STAB2: variants seen among roughly 807,000 people sequenced by gnomAD.
STAB2 encodes stabilin-2.
Under a neutral mutation model 338.1 loss-of-function variants are expected in STAB2, and 288 were observed. The observed-to-expected ratio is 0.85, with a 90% CI of 0.77 to 0.94. The LOEUF (loss-of-function observed/expected upper bound fraction) is 0.94. Ranked by LOEUF, STAB2 falls within the 40% of genes least tolerant of loss-of-function variation. The probability of loss-of-function intolerance (pLI) is 0.00; values close to 1 mark genes in which losing one functional copy is unlikely to be tolerated. For missense variants in STAB2, 3,141 were observed against 3,210.1 expected (o/e 0.98, Z 0.52); for synonymous variants, 1,202 against 1,193.3 (o/e 1.01, Z -0.15).
chr12:103,688,157 A>G lies in STAB2; in HGVS notation c.2998-11A>G. ...CATCTCTTCTTCCCTCCCTTGCATG[A>G]TATGAATAAGGAATTGTCATTTCTC... On this transcript the variant is annotated splice_polypyrimidine_tract_variant and intron_variant, in intron 27 of 68. Coordinates refer to ENST00000388887, the MANE Select transcript of STAB2 (RefSeq NM_017564.10). 6.2e-7 allele frequency: 1 copy of G among 1,612,950 alleles called. No individual in the cohort carries two copies. The highest frequency in any genetic ancestry group is 1.6e-4 in the Middle Eastern group (1 of 6,062).
At chr12:103,654,499 C>A in intron 12 of STAB2, 56 bp from the exon 13 acceptor site, 1 of 1,555,012 alleles carries the variant, frequency 6.4e-7, no homozygotes, top group Non-Finnish European at 8.7e-7. Flanking sequence ...TACTCCAGTG[C>A]TTGCTCCTTC....
At chr12:103,639,460 C>T (rs760050604) in intron 8 of STAB2, among the ~76,000 whole-genome samples, 6 of 152,108 alleles carry the variant, frequency 3.9e-5, no homozygotes, top group African/African-American at 7.2e-5. Context: ...CCCAACACTC[C>T]GGGAGGCTGA....
intron 67 of STAB2, 110 bp downstream of exon 67, chr12:103,762,512 T>C (rs772891490): frequency 2.3e-5 from 35 of 1,547,644 alleles, no homozygotes; most frequent in Non-Finnish European, 2.9e-5. Context: ...CCAGAAGCAG[T>C]GTGTCACACA....
At chr12:103,621,648 G>A (rs1957304183) in intron 4 of STAB2, among the ~76,000 whole-genome samples, 1 of 152,182 alleles carries the variant, frequency 6.6e-6, no homozygotes, top group African/African-American at 2.4e-5. Flanking sequence ...AGGAGAACCT[G>A]GGAGGCGGAG....
intron 3 of STAB2, among the ~76,000 whole-genome samples, chr12:103,617,601 G>C (rs1202389775): frequency 6.6e-6 from 1 of 152,214 alleles, no homozygotes; most frequent in African/African-American, 2.4e-5. Context: ...CAATGTCCCA[G>C]CTCCTCCCAT....
At chr12:103,668,792 C>A (rs918360172) in intron 20 of STAB2, 63 bp downstream of exon 20, 3 of 1,428,412 alleles carry the variant, frequency 2.1e-6, no homozygotes, top group East Asian at 2.5e-5. Context: ...CAGGGCCATG[C>A]TCTTGGGTCC....
intron 65 of STAB2, among the ~76,000 whole-genome samples, chr12:103,760,351 C>T (rs569048787): frequency 6.6e-6 from 1 of 152,194 alleles, no homozygotes; most frequent in Non-Finnish European, 1.5e-5. Context: ...ACCTCCCCCT[C>T]CTGGATTCAA....
chr12:103,607,585 G>A (rs1957051458), intron 3 of STAB2, among the ~76,000 whole-genome samples: 1 of 148,504 alleles, frequency 6.7e-6, no homozygotes, highest in South Asian at 2.1e-4. Context: ...CCCTTCCTGT[G>A]TCCAAGTGTT....
intron 50 of STAB2, among the ~76,000 whole-genome samples, chr12:103,732,424 C>A (rs1881706367): frequency 6.6e-6 from 1 of 152,204 alleles, no homozygotes; most frequent in Admixed American, 6.5e-5. Flanking sequence ...GGCCAAGCAT[C>A]TTTCTGAGGC....
intron 44 of STAB2, among the ~76,000 whole-genome samples, chr12:103,721,653 C>T (rs968266577): frequency 6.6e-6 from 1 of 152,102 alleles, no homozygotes; most frequent in African/African-American, 2.4e-5. Flanking sequence ...CAAGAAAGAC[C>T]AGGGTGGTAT....
At chr12:103,653,567 G>T (rs1303355929) in intron 12 of STAB2, among the ~76,000 whole-genome samples, 3 of 151,278 alleles carry the variant, frequency 2.0e-5, no homozygotes, top group Non-Finnish European at 4.4e-5. Context: ...TACATGGATA[G>T]GTCACTGGAT....
chr12:103,622,848 C>T (rs1366176444), intron 5 of STAB2, among the ~76,000 whole-genome samples: 2 of 152,176 alleles, frequency 1.3e-5, no homozygotes, highest in South Asian at 2.1e-4. Context: ...TTTCTCTGGG[C>T]TCTTTCTGGA....
rs370420330 is a variant in STAB2 at position 103,712,471 on chromosome 12, G to T, written c.4411+28G>T. The T allele has an allele frequency of 6.0e-5, 94 of 1,571,050 alleles. No homozygotes were observed. The African/African-American group carries it at 1.2e-3, about 20-fold the overall frequency. ...AAGCGAAGGAAGGAATTTGCTGGGG[G>T]GGCTGGCAAGGCTTGCACAGGCTAT... On this transcript the variant is annotated intron_variant, in intron 41 of 68. Coordinates refer to ENST00000388887, the MANE Select transcript of STAB2 (RefSeq NM_017564.10).
Position 103,750,570 on chromosome 12 carries a change from C to A in STAB2, c.6439-9C>A. On this transcript the variant is annotated splice_polypyrimidine_tract_variant and intron_variant, in intron 59 of 68. Transcript: ENST00000388887. ...AACTTTTTCATCTCTTCCCACTCTC[C>A]CTCCACAGGGCAAGCACAAGTGTGA... The A allele has an allele frequency of 6.2e-7, 1 of 1,613,578 alleles. No individual in the cohort carries two copies. Among genetic ancestry groups the A allele is most frequent in the Non-Finnish European group, 8.5e-7 (1 of 1,179,566 alleles).
rs765397445 is a variant in STAB2 at position 103,655,266 on chromosome 12, A to G, written c.1567A>G (p.Met523Val). 7.4e-6 allele frequency: 12 copies of G among 1,612,500 alleles called. No homozygotes were observed. Among genetic ancestry groups the G allele is most frequent in the Admixed American group, 3.3e-5 (2 of 59,776 alleles). ...CTCTTTTTAGCAAACCATAATGACA[A>G]TGCTACAACCAAGGTACAGCAAGTT... Reference protein sequence around the residue: ...ESNNEQTIMTMLQPRYSKFRS... With the variant: ...ESNNEQTIMTVLQPRYSKFRS... Residue 523 changes from methionine to valine, a missense_variant, in exon 14 of 69, where the codon ATG (methionine) becomes GTG (valine). Met to Val is a conservative substitution (Grantham distance 21, BLOSUM62 1). Transcript: ENST00000388887.
intron 27 of STAB2, among the ~76,000 whole-genome samples, chr12:103,685,344 A>G (rs1877299285): frequency 1.3e-5 from 2 of 151,826 alleles, no homozygotes; most frequent in African/African-American, 4.8e-5. Context: ...CCATTCTCAG[A>G]CTTCCTAAAG....
intron 25 of STAB2, among the ~76,000 whole-genome samples, chr12:103,678,426 G>A (rs11111710): frequency 0.31 from 46,461 of 152,022 alleles, 7,660 homozygotes; most frequent in South Asian, 0.44. Flanking sequence ...GTTAATAATC[G>A]GAGAAAGCCA....
rs781778587 is a variant in STAB2 at position 103,708,506 on chromosome 12, G to T, written c.4258G>T (p.Val1420Phe). 1.9e-6 allele frequency: 3 copies of T among 1,614,084 alleles called. 1 individual carries two copies. The highest frequency in any genetic ancestry group is 3.3e-5 in the Admixed American group (2 of 60,030). The change falls in exon 39 of 69, where the codon GTT (valine) becomes TTT (phenylalanine). Residue 1420 changes from valine to phenylalanine, a missense_variant. Physicochemically the swap from Val to Phe is conservative, Grantham distance 50. Coordinates refer to ENST00000388887, the MANE Select transcript of STAB2 (RefSeq NM_017564.10). ...PLGDGSCDCDVGWRGVHCDNA... is the reference protein window; with the variant it reads ...PLGDGSCDCDFGWRGVHCDNA... Reference sequence around the variant, plus strand: ...GGGAGATGGCTCCTGTGACTGTGATGTTGGCTGGCGAGGAGTGCATTGTGA... The same window carrying T: ...GGGAGATGGCTCCTGTGACTGTGATTTTGGCTGGCGAGGAGTGCATTGTGA...
chr12:103,681,395 C>T (rs1876886428), intron 25 of STAB2, among the ~76,000 whole-genome samples: 1 of 152,110 alleles, frequency 6.6e-6, no homozygotes, highest in Non-Finnish European at 1.5e-5. Context: ...TGTATTGTTT[C>T]ACAGTTGTAG....
Sources: allele counts gnomAD v4.1 joint callset (sites outside exome capture counted in the v4.1 genomes callset), GRCh38; gene constraint gnomAD v4.1.1; transcripts MANE v1.5; gene names NCBI Gene and HGNC (gene_info 2026-07-23, HGNC 2026-07-21).